Variants in MTCL1 observed in about 807,000 individuals in gnomAD.
MTCL1 encodes the protein microtubule crosslinking factor 1, also known as microtubule cross-linking factor 1.
A neutral mutation model predicts 141.4 loss-of-function variants in MTCL1; 79 were observed. The observed-to-expected ratio is 0.56, with a 90% CI of 0.47 to 0.67. MTCL1 has a LOEUF of 0.67. MTCL1 is among the 30% of genes least tolerant of loss of function. MTCL1 has a pLI of 0.00. For synonymous variants in MTCL1, 914 were observed against 875.8 expected, an observed-to-expected ratio of 1.04 and a Z score of -0.77; for missense variants, 2,177 against 2,113.9, an observed-to-expected ratio of 1.03 and a Z score of -0.59.
chr18:8,738,783 A>G (rs1301877611), intron 4 of MTCL1, among the ~76,000 whole-genome samples: 2 of 152,228 alleles, frequency 1.3e-5, no homozygotes, highest in African/African-American at 4.8e-5. Flanking sequence ...ACTCTGCAGC[A>G]TCTATGACAT....
chr18:8,765,259 G>A (rs1380842895), intron 4 of MTCL1, among the ~76,000 whole-genome samples: 6 of 152,202 alleles, frequency 3.9e-5, no homozygotes, highest in Non-Finnish European at 7.3e-5. Context: ...GCCTGTGAGC[G>A]GGGTGGAGGT....
rs1228580282 is a variant in MTCL1, at chr18:8,828,320, A to T, written c.4723-588A>T. 2.0e-5 allele frequency among the ~76,000 whole-genome samples: 3 copies of T among 151,754 alleles called. No individual in the cohort carries two copies. The highest frequency in any genetic ancestry group is 4.8e-5 in the African/African-American group (2 of 41,272). ...TCACTGCACTGTCATCCCATAAGCC[A>T]CTCGGGCCTCTTTTTCTCTTGACAC... On this transcript the variant is annotated intron_variant, in intron 15 of 16. Coordinates refer to ENST00000359865, the Ensembl canonical transcript of MTCL1. The surrounding 1 kb of genome is among the most constrained non-coding windows in gnomAD (Gnocchi z 5.2).
chr18:8,769,477 G>A (rs550342312), intron 4 of MTCL1, among the ~76,000 whole-genome samples: 73 of 152,188 alleles, frequency 4.8e-4, no homozygotes, highest in Non-Finnish European at 9.1e-4. Context: ...GTATGTTTTA[G>A]CCAAAACATA....
At position 8,830,077 on chromosome 18, in the gene MTCL1, T is replaced by C; in HGVS notation, c.*18+1113T>C. 1 of 985,262 alleles carries C rather than the reference T, an allele frequency of 1.0e-6. No homozygotes were observed. The highest frequency in any genetic ancestry group is 4.7e-5 in the South Asian group (1 of 21,264). 61.0% of individuals were successfully genotyped at this position (985,262 alleles called of 1,614,324 possible). ...GATACACAATACACAACACACACAC[T>C]ACTTCTATAACAAGGGGAGCGCAGA... is the stretch of plus-strand genomic sequence containing the variant. On this transcript the variant is annotated intron_variant, in intron 16 of 16. Coordinates refer to ENST00000359865, the Ensembl canonical transcript of MTCL1. The surrounding 1 kb of genome is among the most constrained non-coding windows in gnomAD (Gnocchi z 6.4).
At chr18:8,709,996 C>T (rs887931887) in intron 1 of MTCL1, among the ~76,000 whole-genome samples, 8 of 152,130 alleles carry the variant, frequency 5.3e-5, no homozygotes, top group East Asian at 1.9e-4. Context: ...CCCGCCACCA[C>T]GCCCAGCTAG....
intron 4 of MTCL1, among the ~76,000 whole-genome samples, chr18:8,740,778 C>T (rs1308146892): frequency 1.3e-5 from 2 of 152,190 alleles, no homozygotes; most frequent in Non-Finnish European, 2.9e-5. Flanking sequence ...CCACCGCACC[C>T]GGCTGAAATA....
In MTCL1 at chr18:8,706,952, C is replaced by CT. The variant is rs912508273; in HGVS notation, c.1053+241dup. ...CTTCTCTTTTCTCGCGTCTAGAACT[C>CT]TTGCGTCTCTTCGCTGATACTTTTA... On this transcript the variant is annotated intron_variant, in intron 1 of 13. Transcript: ENST00000306329. The CT allele has an allele frequency of 8.6e-6, 5 of 581,650 alleles. No individual in the cohort carries two copies. The Admixed American group carries it at 1.9e-4, about 22-fold the overall frequency. The allele number at this position is 581,650 out of a possible 1,614,324, so 36.0% of individuals were successfully genotyped here. A position where few individuals can be genotyped will look rare whatever the true frequency, so the allele number is the denominator to read the frequency against.
chr18:8,789,388 G>A, intron 7 of MTCL1: 2 of 983,468 alleles, frequency 2.0e-6, no homozygotes, highest in Non-Finnish European at 2.4e-6. Context: ...CCTAATAGAG[G>A]AGTAGCATTG....
exon 15 of MTCL1, chr18:8,825,888 T>C: frequency 6.2e-7 from 1 of 1,613,760 alleles, no homozygotes; most frequent in Non-Finnish European, 8.5e-7. Context: ...GCAGGACCCC[T>C]TCCAGAAGGG....
chr18:8,755,020 G>A (rs534655879), intron 4 of MTCL1, among the ~76,000 whole-genome samples: 4 of 152,304 alleles, frequency 2.6e-5, no homozygotes, highest in Admixed American at 1.3e-4. Flanking sequence ...ATATCTGGGA[G>A]TGCTTCGGTC....
intron 4 of MTCL1, among the ~76,000 whole-genome samples, chr18:8,760,951 A>G (rs184544560): frequency 2.6e-4 from 39 of 152,356 alleles, no homozygotes; most frequent in Non-Finnish European, 2.9e-4. Context: ...TGAAATGTCC[A>G]GAGAGAAGAA....
At chr18:8,825,191 G>C (rs749801556) in exon 15 of MTCL1, 1 of 1,583,978 alleles carries the variant, frequency 6.3e-7, no homozygotes, top group South Asian at 1.2e-5. Flanking sequence ...GAGACACCAA[G>C]GGAGGCCCTC....
chr18:8,829,507 A>C (rs1248207273), intron 16 of MTCL1: 1 of 954,116 alleles, frequency 1.0e-6, no homozygotes, highest in African/African-American at 1.8e-5. Flanking sequence ...ATGCTCAATA[A>C]ATATTTGTTG....
chr18:8,773,774 A>G (rs1396471918), intron 4 of MTCL1, among the ~76,000 whole-genome samples: 2 of 152,224 alleles, frequency 1.3e-5, no homozygotes, highest in Non-Finnish European at 2.9e-5. Context: ...CACATACCAA[A>G]TAGTTCATCC....
intron 7 of MTCL1, among the ~76,000 whole-genome samples, chr18:8,792,393 T>A (rs528519): frequency 6.6e-6 from 1 of 152,104 alleles, no homozygotes; most frequent in Non-Finnish European, 1.5e-5. Flanking sequence ...TGCGATTCCC[T>A]GTAGACAACA....
chr18:8,829,239 A>G, intron 16 of MTCL1: 2 of 985,436 alleles, frequency 2.0e-6, no homozygotes, highest in South Asian at 4.7e-5. Flanking sequence ...TTTGCAGCCA[A>G]TATGCTTTCA....
Position 8,830,858 on chromosome 18 carries a change from A to G in MTCL1, c.*19-749A>G. ...TCTTTAAAAACAAAGTAGCTTGAGA[A>G]TAAGGATTCTAGGTGATTTGCACAT... On this transcript the variant is annotated intron_variant, in intron 16 of 16. Coordinates refer to ENST00000359865, the Ensembl canonical transcript of MTCL1. The surrounding 1 kb of genome is among the most constrained non-coding windows in gnomAD (Gnocchi z 6.4). 1.0e-6 allele frequency: 1 copy of G among 985,494 alleles called. No individual in the cohort carries two copies. The highest frequency in any genetic ancestry group is 1.2e-6 in the Non-Finnish European group (1 of 829,940). The allele number at this position is 985,494 out of a possible 1,614,324, so 61.0% of individuals were successfully genotyped here.
chr18:8,804,194 T>A (rs183430248), intron 10 of MTCL1, among the ~76,000 whole-genome samples: 1 of 152,178 alleles, frequency 6.6e-6, no homozygotes, highest in Non-Finnish European at 1.5e-5. Flanking sequence ...AAGATGTATA[T>A]TTCTGAAAAG....
rs182200509 is a variant in MTCL1, at chr18:8,731,924, G to T, written c.357+11428G>T. 3.4e-3 allele frequency among the ~76,000 whole-genome samples: 518 copies of T among 152,104 alleles called. 1 individual carries two copies. Among genetic ancestry groups the T allele is most frequent in the Middle Eastern group, 0.02 (6 of 294 alleles). On this transcript the variant is annotated intron_variant, in intron 4 of 16. Transcript: ENST00000359865. ...GGGTTTCATTATGTTGTCCAGGCTG[G>T]TCTTGAACTCCTAACCTCAAGTGAT...
Sources: allele counts gnomAD v4.1 joint callset (sites outside exome capture counted in the v4.1 genomes callset), GRCh38; gene constraint gnomAD v4.1.1; non-coding constraint Gnocchi (gnomAD v3.1); transcripts MANE v1.5; gene names NCBI Gene and HGNC (gene_info 2026-07-23, HGNC 2026-07-21).